FBXO42: variants seen among roughly 807,000 people sequenced by gnomAD.
FBXO42 encodes F-box protein 42.
FBXO42 carries 12 observed loss-of-function variants against 71.7 expected under a neutral mutation model. The observed-to-expected ratio is 0.17, with a 90% confidence interval of 0.11 to 0.27. The LOEUF (loss-of-function observed/expected upper bound fraction) is 0.27. FBXO42 is among the 10% of genes least tolerant of loss of function. The pLI, the probability that FBXO42 is intolerant of heterozygous loss-of-function variation, is 1.00. For missense variants in FBXO42, 707 were observed against 911.9 expected (o/e 0.78, Z 2.89); for synonymous variants, 325 against 327.5 (o/e 0.99, Z 0.08).
Position 16,255,923 on chromosome 1 carries a change from AG to A in FBXO42, c.657-103del, listed in dbSNP as rs1265512541. 5 of 790,206 alleles carry A rather than the reference AG, an allele frequency of 6.3e-6. No homozygotes were observed. In the African/African-American group the frequency reaches 8.7e-5, roughly 14 times the overall value. 48.9% of individuals were successfully genotyped at this position (790,206 alleles called of 1,614,324 possible). On this transcript the variant is annotated intron_variant, in intron 5 of 9. Transcript: ENST00000375592. ...TTAAAATGATAATCCTATCACTTTCAGCAGAGATTTGTTGGGATAATAAGTA... is the reference window on the plus strand; with the variant it reads ...TTAAAATGATAATCCTATCACTTTCACAGAGATTTGTTGGGATAATAAGTA...
Position 16,250,983 on chromosome 1 carries a change from A to G in FBXO42, c.1841T>C (p.Leu614Ser). 6.2e-7 allele frequency: 1 copy of G among 1,614,198 alleles called. No individual in the cohort carries two copies. The highest frequency in any genetic ancestry group is 8.5e-7 in the Non-Finnish European group (1 of 1,180,034). Residue 614 changes from leucine to serine, a missense_variant, in exon 10 of 10, where the codon TTA becomes TCA. Leu to Ser is a moderately radical substitution (Grantham distance 145, BLOSUM62 -2). Coordinates refer to ENST00000375592, the MANE Select transcript of FBXO42 (RefSeq NM_018994.3). This position sits in a 1 kb window ranked among gnomAD's most constrained non-coding sequence, Gnocchi z 4.7. ...GCCCAGGCGGCGAGCAATGGGAGGTAAGGAATGTCCATCTCCTTGGGCAGG... is the reference window on the plus strand; with the variant it reads ...GCCCAGGCGGCGAGCAATGGGAGGTGAGGAATGTCCATCTCCTTGGGCAGG... Reference protein sequence around the residue: ...PGPAQGDGHSLPPIARRLGHH... With the variant: ...PGPAQGDGHSSPPIARRLGHH...
At chr1:16,342,197 G>A (rs1017934097) in intron 1 of FBXO42, among the ~76,000 whole-genome samples, 1 of 151,676 alleles carries the variant, frequency 6.6e-6, no homozygotes, top group African/African-American at 2.4e-5. Context: ...GGGAGTTCAA[G>A]ACCAGCTTGA....
intron 4 of FBXO42, among the ~76,000 whole-genome samples, chr1:16,273,996 A>C (rs1050888487): frequency 1.3e-5 from 2 of 152,228 alleles, no homozygotes; most frequent in African/African-American, 4.8e-5. Flanking sequence ...TCAAAGAAAG[A>C]AGCCAGACAT....
At chr1:16,349,858 A>T (rs2082683494) in intron 1 of FBXO42, among the ~76,000 whole-genome samples, 1 of 152,250 alleles carries the variant, frequency 6.6e-6, no homozygotes, top group South Asian at 2.1e-4. Context: ...ACTATGTCTC[A>T]AAAAACAAAC....
At chr1:16,312,723 G>A (rs1211360075) in intron 2 of FBXO42, among the ~76,000 whole-genome samples, 1 of 151,956 alleles carries the variant, frequency 6.6e-6, no homozygotes, top group East Asian at 1.9e-4. Context: ...TACCACTCTG[G>A]TGGGGGATGT....
At chr1:16,317,412 CAACAAACA>C (rs34170464) in intron 1 of FBXO42, among the ~76,000 whole-genome samples, 167 of 150,732 alleles carry the variant, frequency 1.1e-3, no homozygotes, top group Middle Eastern at 3.4e-3. Flanking sequence ...GAGATCGTCT[CAACAAACA>C]AACAAACAAA....
chr1:16,306,955 T>C (rs1252411745), intron 2 of FBXO42, among the ~76,000 whole-genome samples: 2 of 151,926 alleles, frequency 1.3e-5, no homozygotes, highest in East Asian at 3.9e-4. Flanking sequence ...TAGGCTGGAG[T>C]GTAGTGGCTC....
chr1:16,348,682 T>A (rs775302171), intron 1 of FBXO42, among the ~76,000 whole-genome samples: 1 of 152,020 alleles, frequency 6.6e-6, no homozygotes, highest in African/African-American at 2.4e-5. Flanking sequence ...GCCTAGGCGA[T>A]AGAGCAAGAC....
intron 1 of FBXO42, among the ~76,000 whole-genome samples, chr1:16,344,605 G>C (rs1381859036): frequency 1.3e-5 from 2 of 151,180 alleles, no homozygotes; most frequent in African/African-American, 4.9e-5. Flanking sequence ...CAAAGTGCTG[G>C]GATTACAGGC....
chr1:16,287,512 C>T (rs1386403595), intron 4 of FBXO42, among the ~76,000 whole-genome samples: 2 of 152,158 alleles, frequency 1.3e-5, no homozygotes, highest in African/African-American at 2.4e-5. Flanking sequence ...ACCAGGGGGG[C>T]AATCCATGAA....
At chr1:16,256,788 G>C in intron 4 of FBXO42, 29 bp from the exon 5 acceptor site, 2 of 1,611,630 alleles carry the variant, frequency 1.2e-6, no homozygotes, top group Non-Finnish European at 1.7e-6. Flanking sequence ...ACCATGGTTA[G>C]CATTCAGGAT....
intron 1 of FBXO42, among the ~76,000 whole-genome samples, chr1:16,331,726 A>G (rs919518496): frequency 1.3e-5 from 2 of 151,116 alleles, no homozygotes; most frequent in Admixed American, 6.6e-5. Context: ...TGGGCAACAG[A>G]GCAAGACTCA....
chr1:16,340,277 C>A (rs1226238079), intron 1 of FBXO42, among the ~76,000 whole-genome samples: 1 of 151,474 alleles, frequency 6.6e-6, no homozygotes, highest in Non-Finnish European at 1.5e-5. Context: ...AATCTTAATT[C>A]TATCAACAAG....
chr1:16,281,437 TA>T (rs1452230261), intron 4 of FBXO42, among the ~76,000 whole-genome samples: 1 of 151,930 alleles, frequency 6.6e-6, no homozygotes, highest in African/African-American at 2.4e-5. Flanking sequence ...ACTGGGTTTG[TA>T]AAAGGTGGCT....
chr1:16,268,587 C>T (rs2081803106), intron 4 of FBXO42, among the ~76,000 whole-genome samples: 3 of 152,128 alleles, frequency 2.0e-5, no homozygotes, highest in Admixed American at 6.5e-5. Context: ...GTCCATGGGT[C>T]AGGGAGGAGC....
rs2081608227 is a variant in FBXO42, at chr1:16,253,100, T to C, written c.917A>G (p.Asn306Ser). ...TGCCACAGAAGCAATACTCACAGCA[T>C]TGGGACCGCCACACCCTCCGAGGAT... ...ILILGGCGGP[N>S]ALFKDAWLLH... Residue 306 changes from asparagine (N) to serine (S), a missense_variant, in exon 8 of 10, where the codon AAT becomes AGT. Physicochemically the swap from Asn to Ser is conservative, Grantham distance 46 (BLOSUM62 1). Transcript: ENST00000375592. 10 of 1,613,626 alleles carry C rather than the reference T, an allele frequency of 6.2e-6. No individual in the cohort carries two copies. The highest frequency in any genetic ancestry group is 1.3e-5 in the African/African-American group (1 of 75,040).
At chr1:16,325,462 C>T (rs1182390336) in intron 1 of FBXO42, among the ~76,000 whole-genome samples, 1 of 151,964 alleles carries the variant, frequency 6.6e-6, no homozygotes, top group African/African-American at 2.4e-5. Context: ...TATTAGCAAA[C>T]TGTGAGCTAT....
At chr1:16,301,749 C>T (rs111492601) in intron 3 of FBXO42, among the ~76,000 whole-genome samples, 2,138 of 150,946 alleles carry the variant, frequency 0.014, 30 homozygotes, top group Non-Finnish European at 0.022. Flanking sequence ...TTCAAGTAGA[C>T]GACAATCTTG....
At chr1:16,327,754 G>A (rs2082463449) in intron 1 of FBXO42, among the ~76,000 whole-genome samples, 3 of 152,280 alleles carry the variant, frequency 2.0e-5, no homozygotes, top group Admixed American at 6.5e-5. Context: ...CCAGGCTGGA[G>A]TGCAATGGTG....
Sources: gnomAD v4.1 joint callset for allele counts (sites outside exome capture counted in the v4.1 genomes callset) on GRCh38, gnomAD v4.1.1 for gene constraint, Gnocchi (gnomAD v3.1) non-coding constraint, MANE v1.5 for transcripts, NCBI Gene and HGNC (gene_info 2026-07-23, HGNC 2026-07-21) for gene names.